The following POM121 variants were observed in gnomAD, a reference collection of about 807,000 sequenced individuals.
POM121 encodes the protein nuclear envelope pore membrane protein POM 121.
POM121 carries 32 observed loss-of-function variants against 81.3 expected under a neutral mutation model. The ratio of observed to expected loss-of-function variants is 0.39; its 90% confidence interval spans 0.30 to 0.53. POM121 has a LOEUF of 0.53. Ranked by LOEUF, POM121 falls within the 20% of genes least tolerant of loss-of-function variation. The pLI, the probability that POM121 is intolerant of heterozygous loss-of-function variation, is 0.66. For synonymous variants in POM121, 514 were observed against 694.2 expected, an observed-to-expected ratio of 0.74 and a Z score of 4.08; for missense variants, 1,138 against 1,614.6, an observed-to-expected ratio of 0.70 and a Z score of 5.06.
chr7:72,891,866 A>G (rs1223306035), intron 3 of POM121, among the ~76,000 whole-genome samples: 2 of 152,256 alleles, frequency 1.3e-5, no homozygotes, highest in Middle Eastern at 6.8e-3. Context: ...TTCTTTAGGC[A>G]TTCAGATACC....
At position 72,939,928 on chromosome 7, in the gene POM121, T is replaced by C. The variant is rs551172242; in HGVS notation, c.1523T>C (p.Val508Ala). The part of the protein sequence containing the change: ...PGSSGQRKRK[V>A]QLLPSRRGEQ... Reference sequence around the variant, plus strand: ...AGCTCTGGGCAGCGTAAGCGGAAAGTTCAGCTGCTGCCTTCTCGGCGAGGG... The same window carrying C: ...AGCTCTGGGCAGCGTAAGCGGAAAGCTCAGCTGCTGCCTTCTCGGCGAGGG... The change falls in exon 8 of 13, where the codon GTT (valine) becomes GCT (alanine). Residue 508 changes from valine to alanine, a missense_variant. This residue lies in a region of POM121 where 24 missense variants were observed against 54.3 expected (regional missense o/e 0.44). Transcript: ENST00000434423. The C allele has an allele frequency of 1.2e-6, 2 of 1,608,232 alleles. No individual in the cohort carries two copies. Among genetic ancestry groups the C allele is most frequent in the African/African-American group, 2.7e-5 (2 of 74,668 alleles).
At chr7:72,919,759 A>C (rs1387152570) in intron 4 of POM121, among the ~76,000 whole-genome samples, 2 of 152,156 alleles carry the variant, frequency 1.3e-5, no homozygotes. Context: ...TCCAGCTTTT[A>C]TGTGTCTGAA....
At chr7:72,898,979 CTTTTTTT>C (rs1176371162) in intron 3 of POM121, among the ~76,000 whole-genome samples, 2 of 34,096 alleles carry the variant, frequency 5.9e-5, no homozygotes, top group Non-Finnish European at 9.8e-5. Flanking sequence ...CTTTTCTTTT[CTTTTTTT>C]TTTTTTTTTT....
chr7:72,949,874 G>A (rs782658601), downstream of POM121: 3 of 1,597,024 alleles, frequency 1.9e-6, no homozygotes, highest in Non-Finnish European at 2.6e-6. Context: ...GCAGCCAAGT[G>A]ACTGGTCTTT....
chr7:72,900,251 G>A (rs1296687203), intron 3 of POM121, among the ~76,000 whole-genome samples: 57 of 152,206 alleles, frequency 3.7e-4, no homozygotes, highest in South Asian at 1.0e-3. Context: ...AATGAGGGTG[G>A]GAGCTGGGTG....
intron 1 of POM121, among the ~76,000 whole-genome samples, chr7:72,884,383 T>C (rs1395563695): frequency 1.3e-5 from 2 of 151,886 alleles, no homozygotes; most frequent in African/African-American, 4.8e-5. Context: ...TGATTCTTTT[T>C]GAAAATTAAG....
At chr7:72,911,248 T>G (rs1311378429) in intron 3 of POM121, among the ~76,000 whole-genome samples, 1 of 152,204 alleles carries the variant, frequency 6.6e-6, no homozygotes, top group Non-Finnish European at 1.5e-5. Flanking sequence ...CCTCCCAGAG[T>G]GCTGGGATTA....
At chr7:72,924,010 A>G (rs1274694146), upstream of POM121, among the ~76,000 whole-genome samples, 1 of 149,520 alleles carries the variant, frequency 6.7e-6, no homozygotes, top group Non-Finnish European at 1.5e-5. Flanking sequence ...CAGTGGCGCA[A>G]TCTCGGCTCA....
chr7:72,926,713 T>C, intron 2 of POM121, 89 bp from the exon 3 acceptor site: 1 of 1,540,612 alleles, frequency 6.5e-7, no homozygotes, highest in Non-Finnish European at 8.8e-7. Flanking sequence ...GGCCTGTTGG[T>C]TAGCTTCTGA....
chr7:72,892,506 T>C lies in POM121; in HGVS notation c.-216+1396T>C, dbSNP rs561235019. On this transcript the variant is annotated intron_variant, in intron 3 of 15. Coordinates refer to the POM121 transcript ENST00000395270. ...CACATTCTGTTTCTTTTGACATTAG[T>C]GTTCAGTATTCTCCCATACCTGGAT... 3.9e-5 allele frequency among the ~76,000 whole-genome samples: 6 copies of C among 152,342 alleles called. No homozygotes were observed. The East Asian group carries it at 1.2e-3, about 29-fold the overall frequency.
chr7:72,939,824 C>T lies in POM121; in HGVS notation c.1442-23C>T, dbSNP rs370180605. ...TTTCTGGAAGAGGGAAGGAAGCAAACGAGTCTTGATTTCTTTCTTTAGCTG... is the reference window on the plus strand; with the variant it reads ...TTTCTGGAAGAGGGAAGGAAGCAAATGAGTCTTGATTTCTTTCTTTAGCTG... On this transcript the variant is annotated intron_variant, in intron 7 of 12. Coordinates refer to ENST00000434423, the MANE Select transcript of POM121 (RefSeq NM_001387691.1). 59 of 1,610,874 alleles carry T rather than the reference C, an allele frequency of 3.7e-5. 1 individual carries two copies. Among genetic ancestry groups the T allele is most frequent in the East Asian group, 8.9e-5 (4 of 44,878 alleles).
At chr7:72,888,569 A>G (rs1432069164) in intron 1 of POM121, among the ~76,000 whole-genome samples, 1 of 152,246 alleles carries the variant, frequency 6.6e-6, no homozygotes, top group East Asian at 1.9e-4. Context: ...ATTGTAGATA[A>G]TGAGCATTTT....
intron 9 of POM121, 67 bp from the exon 10 acceptor site, chr7:72,940,750 C>G: frequency 7.2e-7 from 1 of 1,391,464 alleles, no homozygotes; most frequent in Non-Finnish European, 1.0e-6. Flanking sequence ...AGAGCCTGCT[C>G]TCCGACAGGC....
chr7:72,887,664 T>C (rs1790861853), intron 1 of POM121, among the ~76,000 whole-genome samples: 1 of 151,982 alleles, frequency 6.6e-6, no homozygotes, highest in Non-Finnish European at 1.5e-5. Context: ...CCATCTCTAC[T>C]AAAAATATAA....
At chr7:72,923,300 A>G (rs182042512), upstream of POM121, among the ~76,000 whole-genome samples, 3 of 151,794 alleles carry the variant, frequency 2.0e-5, no homozygotes, top group East Asian at 5.8e-4. Flanking sequence ...AAACACCCTA[A>G]TCTCCAGCGA....
At chr7:72,901,987 C>G in intron 3 of POM121, among the ~76,000 whole-genome samples, 1 of 151,842 alleles carries the variant, frequency 6.6e-6, no homozygotes, top group East Asian at 2.0e-4. Flanking sequence ...TGGCGCATGC[C>G]TGTAATCCCA....
intron 3 of POM121, among the ~76,000 whole-genome samples, chr7:72,894,257 G>A (rs1294275127): frequency 6.6e-6 from 1 of 151,430 alleles, no homozygotes; most frequent in African/African-American, 2.4e-5. Context: ...GCGACAGAGC[G>A]AGACTCTGTC....
At chr7:72,939,810 G>A (rs550381939) in intron 7 of POM121, 37 bp from the exon 8 acceptor site, 2 of 1,610,984 alleles carry the variant, frequency 1.2e-6, no homozygotes, top group Admixed American at 1.7e-5. Context: ...TTCTGGAAGA[G>A]GGAAGGAAGC....
chr7:72,942,903 C>T lies in POM121; in HGVS notation c.2910C>T (p.Pro970=), dbSNP rs558812034. The change falls in exon 11 of 13, where the codon CCC becomes CCT. Residue 970 remains proline, a synonymous_variant. Coordinates refer to ENST00000434423, the MANE Select transcript of POM121 (RefSeq NM_001387691.1). ...CATATCCGGGAGCCAACCCCCAGCC[C>T]GCATTTGGGGCCGCTGAGGGGCAGC... The part of the protein sequence containing the change: ...LPSYPGANPQ[P]AFGAAEGQPP... 584 of 1,601,530 alleles carry T rather than the reference C, an allele frequency of 3.6e-4. 1 individual carries two copies. Among genetic ancestry groups the T allele is most frequent in the Middle Eastern group, 1.0e-3 (6 of 5,858 alleles).
Sources: allele counts gnomAD v4.1 joint callset (sites outside exome capture counted in the v4.1 genomes callset), GRCh38; gene constraint gnomAD v4.1.1; regional missense constraint gnomAD v4.1.1; transcripts MANE v1.5; gene names NCBI Gene and HGNC (gene_info 2026-07-23, HGNC 2026-07-21).